Variants in RNFT2 observed in about 807,000 individuals in gnomAD.
RNFT2 encodes E3 ubiquitin-protein ligase RNFT2.
Under a neutral mutation model 53.0 loss-of-function variants are expected in RNFT2, and 36 were observed. That is an observed-to-expected ratio of 0.68 (90% CI 0.52 to 0.90). The LOEUF is 0.90. RNFT2 is among the 40% of genes least tolerant of loss of function. RNFT2 has a pLI of 0.00. For synonymous variants in RNFT2, 260 were observed against 253.2 expected (o/e 1.03, Z -0.26); for missense variants, 514 against 585.6 (o/e 0.88, Z 1.26).
chr12:116,841,780 AATAT>A (rs1180873080), intron 10 of RNFT2, among the ~76,000 whole-genome samples: 1 of 101,326 alleles, frequency 9.9e-6, no homozygotes, highest in Non-Finnish European at 1.9e-5. Context: ...TATATATATA[AATAT>A]ATATATATAA....
intron 6 of RNFT2, among the ~76,000 whole-genome samples, chr12:116,773,331 G>A (rs934683989): frequency 6.3e-4 from 96 of 152,280 alleles, no homozygotes; most frequent in African/African-American, 2.2e-3. Flanking sequence ...ATCAACTAAG[G>A]GCCCTTTGGG....
chr12:116,740,678 G>A (rs1871562785), intron 2 of RNFT2, 157 bp downstream of exon 2: 5 of 712,404 alleles, frequency 7.0e-6, no homozygotes, highest in Admixed American at 2.1e-5. Flanking sequence ...GTCACAGCAA[G>A]TTAGCAGCAG....
chr12:116,748,670 A>C (rs780726104), intron 3 of RNFT2: 1 of 452,768 alleles, frequency 2.2e-6, no homozygotes, highest in South Asian at 1.6e-5. Flanking sequence ...AGCTGTGACC[A>C]AGGCTGGCCC....
At chr12:116,833,119 A>G (rs151017182) in intron 7 of RNFT2, among the ~76,000 whole-genome samples, 16 of 152,118 alleles carry the variant, frequency 1.1e-4, no homozygotes, top group Non-Finnish European at 2.4e-4. Context: ...GGGGTTCGCC[A>G]TGTTGGCCAG....
chr12:116,793,304 T>C (rs1161798409), intron 7 of RNFT2, among the ~76,000 whole-genome samples: 2 of 148,164 alleles, frequency 1.3e-5, no homozygotes, highest in Admixed American at 7.0e-5. Flanking sequence ...CCTCCTGGAC[T>C]CCAGTGACCC....
At chr12:116,761,381 C>T (rs1201871430) in intron 5 of RNFT2, among the ~76,000 whole-genome samples, 1 of 152,178 alleles carries the variant, frequency 6.6e-6, no homozygotes, top group Non-Finnish European at 1.5e-5. Flanking sequence ...CTCCTGACCT[C>T]CGGTAATCCG....
chr12:116,771,456 T>C (rs1873177628), intron 6 of RNFT2, among the ~76,000 whole-genome samples: 1 of 82,370 alleles, frequency 1.2e-5, no homozygotes, highest in Non-Finnish European at 2.1e-5. Flanking sequence ...TGAGATCCTA[T>C]CGTTAAAAAA....
In RNFT2 at chr12:116,851,472, C is replaced by T; in HGVS notation, c.*2024C>T. ...GCACACGAGAGGCCGGGTGTGGTGG[C>T]CCATGCCTGTAGTGCCAGCATTTTG... On this transcript the variant is annotated 3_prime_UTR_variant, in exon 11 of 11. Coordinates refer to ENST00000257575, the MANE Select transcript of RNFT2 (RefSeq NM_001382266.1). 2 of 447,466 alleles carry T rather than the reference C, an allele frequency of 4.5e-6. No individual in the cohort carries two copies. Among genetic ancestry groups the T allele is most frequent in the Non-Finnish European group, 8.2e-6 (2 of 245,370 alleles). 27.7% of individuals were successfully genotyped at this position (447,466 alleles called of 1,614,324 possible). A position where few individuals can be genotyped will look rare whatever the true frequency, so the allele number is the denominator to read the frequency against.
chr12:116,790,266 A>G (rs1383365589), intron 7 of RNFT2, among the ~76,000 whole-genome samples: 1 of 152,184 alleles, frequency 6.6e-6, no homozygotes, highest in African/African-American at 2.4e-5. Flanking sequence ...GTGTTAAGCA[A>G]TGCCATTTGT....
At chr12:116,753,759 T>C (rs1372499920) in intron 4 of RNFT2, among the ~76,000 whole-genome samples, 1 of 152,094 alleles carries the variant, frequency 6.6e-6, no homozygotes, top group Non-Finnish European at 1.5e-5. Flanking sequence ...CTATAAAGTA[T>C]CCCCACAGGG....
intron 7 of RNFT2, among the ~76,000 whole-genome samples, chr12:116,832,143 AAAAAAATATATAT>A (rs1203198806): frequency 4.7e-5 from 4 of 84,912 alleles, no homozygotes; most frequent in Non-Finnish European, 7.5e-5. Flanking sequence ...AAAAAAAAAA[AAAAAAATATATAT>A]ATATATATAT....
At chr12:116,743,820 G>A (rs547736498) in intron 3 of RNFT2, among the ~76,000 whole-genome samples, 106 of 152,218 alleles carry the variant, frequency 7.0e-4, no homozygotes, top group Non-Finnish European at 1.2e-3. Context: ...GGAAGAACAC[G>A]GGGCTCAGCC....
intron 5 of RNFT2, among the ~76,000 whole-genome samples, chr12:116,765,715 G>A (rs1237573719): frequency 6.6e-6 from 1 of 152,136 alleles, no homozygotes; most frequent in African/African-American, 2.4e-5. Flanking sequence ...TGTCTTCCTG[G>A]GGACTAGACA....
At chr12:116,788,863 G>A (rs1424458879) in intron 7 of RNFT2, among the ~76,000 whole-genome samples, 1 of 148,218 alleles carries the variant, frequency 6.7e-6, no homozygotes, top group Non-Finnish European at 1.5e-5. Context: ...TGGGAGGAGA[G>A]TGGATGGATG....
rs904912199 is a variant in RNFT2 at position 116,816,884 on chromosome 12, C to T, written c.883-16908C>T. Among the ~76,000 whole-genome samples, 9 of 152,196 alleles carry T rather than the reference C, an allele frequency of 5.9e-5. 1 individual carries two copies. The South Asian group carries it at 1.4e-3, about 25-fold the overall frequency. On this transcript the variant is annotated intron_variant, in intron 7 of 10. Transcript: ENST00000257575. ...TTAAAAAGTAGAGAACTGCTAGTTTCTTAGAAACCCCTTGTGTATATCTCC... is the reference window on the plus strand; with the variant it reads ...TTAAAAAGTAGAGAACTGCTAGTTTTTTAGAAACCCCTTGTGTATATCTCC...
chr12:116,823,813 T>C (rs900494387), intron 7 of RNFT2, among the ~76,000 whole-genome samples: 12 of 152,244 alleles, frequency 7.9e-5, no homozygotes, highest in African/African-American at 2.9e-4. Context: ...GCACTTACCA[T>C]GCGCCAGGCA....
intron 7 of RNFT2, among the ~76,000 whole-genome samples, chr12:116,818,553 G>A (rs7302199): frequency 0.052 from 7,950 of 152,230 alleles, 474 homozygotes; most frequent in East Asian, 0.14. Context: ...CTGCTGGCAA[G>A]TGAGTTGTGA....
rs1877872392 is a variant in RNFT2 at position 116,850,615 on chromosome 12, C to CCTT, written c.*1167_*1168insCTT. On this transcript the variant is annotated 3_prime_UTR_variant, in exon 11 of 11. Coordinates refer to ENST00000257575, the MANE Select transcript of RNFT2 (RefSeq NM_001382266.1). ...AGCCCTGTGAAGTATTTTTTCTTTT[C>CCTT]TTTTCTTTTTTTTTTTTTTTTTGTT... 1 of 141,214 alleles carries CCTT rather than the reference C, an allele frequency of 7.1e-6. No homozygotes were observed. The highest frequency in any genetic ancestry group is 7.3e-5 in the Admixed American group (1 of 13,764). The allele number at this position is 141,214 out of a possible 1,614,324, so 8.7% of individuals were successfully genotyped here.
intron 5 of RNFT2, 150 bp downstream of exon 5, chr12:116,754,210 C>T (rs370183249): frequency 1.7e-4 from 109 of 651,768 alleles, no homozygotes; most frequent in African/African-American, 1.4e-3. Context: ...TCAGTGAGAA[C>T]GTACAATGTT....
Sources: allele counts gnomAD v4.1 joint callset (sites outside exome capture counted in the v4.1 genomes callset), GRCh38; gene constraint gnomAD v4.1.1; transcripts MANE v1.5; gene names NCBI Gene and HGNC (gene_info 2026-07-23, HGNC 2026-07-21).